Variants in KCNIP1 observed in about 807,000 individuals in gnomAD.
The protein encoded by KCNIP1 is potassium voltage-gated channel interacting protein 1.
KCNIP1 carries 18 observed loss-of-function variants against 33.0 expected under a neutral mutation model. The ratio of observed to expected loss-of-function variants is 0.55; its 90% confidence interval spans 0.38 to 0.81. The LOEUF (loss-of-function observed/expected upper bound fraction) is 0.81, where lower values mean the gene tolerates loss of function less well. Among genes scored for constraint, KCNIP1 ranks in the 30% least tolerant of loss-of-function variants. The pLI is 0.00. For missense variants in KCNIP1, 238 were observed against 271.6 expected (o/e 0.88, Z 0.87); for synonymous variants, 93 against 98.3 (o/e 0.95, Z 0.32).
chr5:170,373,953 G>A (rs936834987), intron 1 of KCNIP1, among the ~76,000 whole-genome samples: 12 of 152,194 alleles, frequency 7.9e-5, no homozygotes, highest in Non-Finnish European at 1.6e-4. Context: ...CAGGGCAATG[G>A]CTGGTGAGGT....
At chr5:170,576,799 C>A (rs1252692358) in intron 1 of KCNIP1, among the ~76,000 whole-genome samples, 1 of 152,234 alleles carries the variant, frequency 6.6e-6, no homozygotes, top group African/African-American at 2.4e-5. Flanking sequence ...CTCAGTCAAC[C>A]TGGACTGACT....
intron 1 of KCNIP1, among the ~76,000 whole-genome samples, chr5:170,424,437 T>A (rs1216555064): frequency 1.3e-5 from 2 of 152,092 alleles, no homozygotes; most frequent in Non-Finnish European, 2.9e-5. Flanking sequence ...CCTTGGCAAC[T>A]CACACAAGGC....
At chr5:170,456,236 A>T (rs1035591151) in intron 1 of KCNIP1, among the ~76,000 whole-genome samples, 1 of 152,012 alleles carries the variant, frequency 6.6e-6, no homozygotes, top group Admixed American at 6.6e-5. Flanking sequence ...ACATATTCTC[A>T]CTCATAAGTG....
At chr5:170,720,119 C>T (rs1427264644) in intron 2 of KCNIP1, among the ~76,000 whole-genome samples, 2 of 152,162 alleles carry the variant, frequency 1.3e-5, no homozygotes, top group African/African-American at 4.8e-5. Flanking sequence ...ATCTCTCCAC[C>T]TCACAGTGCC....
chr5:170,418,162 G>T (rs1234957756), intron 1 of KCNIP1, among the ~76,000 whole-genome samples: 1 of 152,170 alleles, frequency 6.6e-6, no homozygotes, highest in Non-Finnish European at 1.5e-5. Flanking sequence ...TGGGCGCAGT[G>T]GCTCATGCCT....
chr5:170,387,903 T>A (rs975555739), intron 1 of KCNIP1, among the ~76,000 whole-genome samples: 3 of 152,204 alleles, frequency 2.0e-5, no homozygotes, highest in East Asian at 3.9e-4. Context: ...TTGAAGCCAA[T>A]GGGAAATCCC....
At chr5:170,416,335 G>A (rs916558275) in intron 1 of KCNIP1, among the ~76,000 whole-genome samples, 2 of 152,124 alleles carry the variant, frequency 1.3e-5, no homozygotes, top group African/African-American at 4.8e-5. Context: ...TCATGGGCGG[G>A]CCCTCAATCA....
chr5:170,452,124 G>A (rs1581205797), intron 1 of KCNIP1, among the ~76,000 whole-genome samples: 1 of 152,200 alleles, frequency 6.6e-6, no homozygotes, highest in East Asian at 1.9e-4. Context: ...TGGCATTGGG[G>A]ACTGAGAACA....
At chr5:170,501,941 G>T (rs966466578), upstream of KCNIP1, among the ~76,000 whole-genome samples, 1 of 152,178 alleles carries the variant, frequency 6.6e-6, no homozygotes. Context: ...GGCCTCCCTG[G>T]CCTGGACAAG....
rs1027090059 is a variant in KCNIP1 at position 170,524,242 on chromosome 5, G to A, written c.61+19609G>A. 3.9e-5 allele frequency among the ~76,000 whole-genome samples: 6 copies of A among 152,248 alleles called. No homozygotes were observed. The East Asian group carries it at 1.2e-3, about 29-fold the overall frequency. On this transcript the variant is annotated intron_variant, in intron 1 of 7. Transcript: ENST00000328939. ...TGACTGTCCTGAAGACCCTTCCCAA[G>A]CTGCCAACGCTCCAGCACTGCATCC...
At chr5:170,462,264 C>CAAAAAAAAAAAAAAAA (rs760686464) in intron 1 of KCNIP1, among the ~76,000 whole-genome samples, 8 of 52,034 alleles carry the variant, frequency 1.5e-4, no homozygotes, top group Admixed American at 2.3e-4. Context: ...AACAAATTAG[C>CAAAAAAAAAAAAAAAA]AAAAAAAAAA....
intron 1 of KCNIP1, among the ~76,000 whole-genome samples, chr5:170,514,840 A>G (rs1705985308): frequency 6.6e-6 from 1 of 152,240 alleles, no homozygotes; most frequent in Admixed American, 6.5e-5. Context: ...CAAAATAACA[A>G]CAGTAACAAA....
intron 1 of KCNIP1, among the ~76,000 whole-genome samples, chr5:170,365,045 G>A (rs1763620035): frequency 6.6e-6 from 1 of 152,160 alleles, no homozygotes; most frequent in Non-Finnish European, 1.5e-5. Context: ...TTATTCATTT[G>A]TTTATGATCC....
intron 1 of KCNIP1, among the ~76,000 whole-genome samples, chr5:170,649,640 C>T (rs1048526052): frequency 6.6e-6 from 1 of 152,044 alleles, no homozygotes; most frequent in Non-Finnish European, 1.5e-5. Flanking sequence ...TTTTCAAATT[C>T]ATCTACTCAG....
chr5:170,516,447 G>T (rs1755124575), intron 1 of KCNIP1, among the ~76,000 whole-genome samples: 1 of 152,108 alleles, frequency 6.6e-6, no homozygotes, highest in Admixed American at 6.5e-5. Context: ...GACAGTACTG[G>T]GCAAAAGACT....
exon 1 of KCNIP1, chr5:170,353,635 G>C (rs1561580217): frequency 1.7e-6 from 1 of 576,856 alleles, no homozygotes; most frequent in Admixed American, 3.0e-5. Context: ...CCCGTGGTGA[G>C]GACTTAAGTG....
intron 1 of KCNIP1, among the ~76,000 whole-genome samples, chr5:170,597,841 AAGAAAAG>A (rs1758518407): frequency 2.1e-5 from 3 of 144,580 alleles, no homozygotes; most frequent in African/African-American, 7.6e-5. Flanking sequence ...GAAAGAAAGA[AAGAAAAG>A]AGAGAGAGAG....
chr5:170,534,649 G>A (rs1000518583), intron 1 of KCNIP1, among the ~76,000 whole-genome samples: 1 of 151,836 alleles, frequency 6.6e-6, no homozygotes, highest in African/African-American at 2.4e-5. Context: ...CTCCCAAGTA[G>A]CTGGGACCAC....
intron 1 of KCNIP1, among the ~76,000 whole-genome samples, chr5:170,495,305 C>T (rs900351454): frequency 6.6e-6 from 1 of 152,210 alleles, no homozygotes; most frequent in Non-Finnish European, 1.5e-5. Context: ...GCCTCCCAGG[C>T]TCTAGGAGGG....
Sources: allele counts gnomAD v4.1 joint callset (sites outside exome capture counted in the v4.1 genomes callset), GRCh38; gene constraint gnomAD v4.1.1; transcripts MANE v1.5; gene names NCBI Gene and HGNC (gene_info 2026-07-23, HGNC 2026-07-21).